Variants in SESN1 observed in about 807,000 individuals in gnomAD.
SESN1 encodes the protein sestrin-1.
In SESN1, 30 loss-of-function variants were observed where a neutral mutation model predicts 59.3. That is an observed-to-expected ratio of 0.51 (90% confidence interval 0.38 to 0.69). The LOEUF (loss-of-function observed/expected upper bound fraction) is 0.69. Ranked by LOEUF, SESN1 falls within the 30% of genes least tolerant of loss-of-function variation. The pLI, the probability that SESN1 is intolerant of heterozygous loss-of-function variation, is 0.00. For synonymous variants in SESN1, 197 were observed against 219.9 expected, an observed-to-expected ratio of 0.90 and a Z score of 0.92; for missense variants, 566 against 673.0, an observed-to-expected ratio of 0.84 and a Z score of 1.76.
At chr6:108,992,700 A>C in intron 7 of SESN1, 87 bp downstream of exon 7, 2 of 817,772 alleles carry the variant, frequency 2.4e-6, no homozygotes, top group Non-Finnish European at 4.3e-6. Flanking sequence ...CACTTAGCAT[A>C]GTTCTCAAAT....
Position 109,094,012 on chromosome 6 carries a change from C to G in SESN1, c.62G>C (p.Arg21Thr), listed in dbSNP as rs138459968. The G allele has an allele frequency of 8.8e-4, 1,425 of 1,614,182 alleles. 2 individuals carry two copies. The highest frequency in any genetic ancestry group is 1.0e-3 in the Non-Finnish European group (1,203 of 1,180,032). The change falls in exon 1 of 10, where the codon AGG becomes ACG. Residue 21 changes from arginine (R) to threonine (T), a missense_variant. By Grantham distance (71) the Arg-to-Thr change is moderately conservative. Transcript: ENST00000436639. ...DGLCSRDSTTRETALENIRQT... is the reference protein window; with the variant it reads ...DGLCSRDSTTTETALENIRQT... ...CCTAATGTTTTCCAATGCTGTCTCC[C>G]TAGTAGTTGAATCTCTGCTGCAGAG...
chr6:109,091,172 C>T (rs78835199), intron 1 of SESN1, among the ~76,000 whole-genome samples: 1 of 152,212 alleles, frequency 6.6e-6, no homozygotes, highest in South Asian at 2.1e-4. Flanking sequence ...TATATTATTA[C>T]TCTACCTTTT....
chr6:108,992,355 A>T (rs1042752532), intron 7 of SESN1, among the ~76,000 whole-genome samples: 2 of 152,066 alleles, frequency 1.3e-5, no homozygotes, highest in Admixed American at 6.5e-5. Context: ...CGGCTCAGGC[A>T]ATCCACCTGC....
chr6:109,072,506 A>C (rs1287174090), intron 1 of SESN1, among the ~76,000 whole-genome samples: 1 of 152,220 alleles, frequency 6.6e-6, no homozygotes, highest in African/African-American at 2.4e-5. Context: ...AAAACCATGA[A>C]ATGCATCTCT....
intron 5 of SESN1, 171 bp downstream of exon 5, chr6:108,998,342 T>C: frequency 3.0e-6 from 2 of 657,088 alleles, no homozygotes; most frequent in Non-Finnish European, 5.1e-6. Context: ...CCTAGACTAG[T>C]GATGAGCATG....
chr6:109,001,163 G>A (rs55881406), intron 3 of SESN1, 125 bp downstream of exon 3: 2 of 822,800 alleles, frequency 2.4e-6, no homozygotes, highest in African/African-American at 1.7e-5. Flanking sequence ...AACAGAGACT[G>A]TGCAACAGGA....
chr6:109,063,309 C>T (rs1780762101), intron 1 of SESN1, among the ~76,000 whole-genome samples: 1 of 151,958 alleles, frequency 6.6e-6, no homozygotes, highest in Non-Finnish European at 1.5e-5. Context: ...TGGGAGGGAG[C>T]ACACGAGAAA....
intron 5 of SESN1, among the ~76,000 whole-genome samples, chr6:108,996,517 A>G (rs1779505129): frequency 6.6e-6 from 1 of 152,158 alleles, no homozygotes; most frequent in African/African-American, 2.4e-5. Flanking sequence ...CTCCTCTTAA[A>G]GAGCCCAAAT....
At chr6:109,073,369 T>TC in intron 1 of SESN1, among the ~76,000 whole-genome samples, 1 of 152,312 alleles carries the variant, frequency 6.6e-6, no homozygotes, top group East Asian at 1.9e-4. Context: ...TGTTATTATA[T>TC]GGTTATTTTC....
intron 1 of SESN1, among the ~76,000 whole-genome samples, chr6:109,029,736 C>T (rs371171604): frequency 1.3e-5 from 2 of 152,032 alleles, no homozygotes; most frequent in Non-Finnish European, 1.5e-5. Flanking sequence ...CTTGCCATGT[C>T]GCTCAAGCTG....
At chr6:109,085,519 A>T (rs1206983050) in intron 1 of SESN1, among the ~76,000 whole-genome samples, 5 of 127,408 alleles carry the variant, frequency 3.9e-5, no homozygotes, top group Non-Finnish European at 9.3e-5. Flanking sequence ...ACTCCGTCAC[A>T]CACACACACA....
Position 109,082,076 on chromosome 6 carries a change from G to A in SESN1, c.279+11719C>T, listed in dbSNP as rs547154989. 9.8e-5 allele frequency among the ~76,000 whole-genome samples: 15 copies of A among 152,316 alleles called. 1 individual carries two copies. Among genetic ancestry groups the A allele is most frequent in the African/African-American group, 3.4e-4 (14 of 41,576 alleles). Reference sequence around the variant, plus strand: ...CTATATTATGTGTCCCTGAAGACACGTTGAAATTTAAATGTTTATAAGTGA... The same window carrying A: ...CTATATTATGTGTCCCTGAAGACACATTGAAATTTAAATGTTTATAAGTGA... On this transcript the variant is annotated intron_variant, in intron 1 of 9. Coordinates refer to ENST00000436639, the MANE Select transcript of SESN1 (RefSeq NM_014454.3).
intron 1 of SESN1, among the ~76,000 whole-genome samples, chr6:109,029,351 T>TAC (rs1471365795): frequency 6.6e-6 from 1 of 152,200 alleles, no homozygotes; most frequent in Non-Finnish European, 1.5e-5. Flanking sequence ...TGCACTTGAT[T>TAC]TATGGCAATT....
At chr6:108,994,347 A>T in intron 6 of SESN1, 115 bp downstream of exon 6, 1 of 767,750 alleles carries the variant, frequency 1.3e-6, no homozygotes, top group Non-Finnish European at 2.0e-6. Flanking sequence ...CCTATGCAAT[A>T]GTCTCTCTAA....
Position 109,044,258 on chromosome 6 carries a change from G to GCCGTGATC in SESN1, c.280-41923_280-41916dup, listed in dbSNP as rs1038201995. Among the ~76,000 whole-genome samples the GCCGTGATC allele has an allele frequency of 2.2e-5, 3 of 133,586 alleles. No homozygotes were observed. In the Admixed American group the frequency reaches 2.6e-4, roughly 12 times the overall value. The allele number at this position is 133,586 out of a possible 152,430, so 87.6% of individuals were successfully genotyped here. On this transcript the variant is annotated intron_variant, in intron 1 of 9. Transcript: ENST00000436639. ...TGAGCCAAGGATACCAGGGCAGTGA[G>GCCGTGATC]CCGTGATCACACCACCACACTCCAG...
chr6:109,004,397 A>C (rs1263220475), intron 1 of SESN1, among the ~76,000 whole-genome samples: 1 of 152,170 alleles, frequency 6.6e-6, no homozygotes, highest in African/African-American at 2.4e-5. Flanking sequence ...CTAAATTTTA[A>C]AGAAAGATTA....
intron 1 of SESN1, 28 bp downstream of exon 1, chr6:109,093,767 T>A (rs775354080): frequency 4.4e-6 from 7 of 1,601,600 alleles, no homozygotes; most frequent in Non-Finnish European, 6.0e-6. Flanking sequence ...AGTAGAGACA[T>A]AGTTGTATTT....
At chr6:109,090,097 C>T (rs1781286903) in intron 1 of SESN1, among the ~76,000 whole-genome samples, 1 of 152,184 alleles carries the variant, frequency 6.6e-6, no homozygotes, top group African/African-American at 2.4e-5. Flanking sequence ...ATTAACTGAG[C>T]ATTTCTTTTA....
chr6:109,013,302 A>G (rs770883782), intron 1 of SESN1, among the ~76,000 whole-genome samples: 2 of 152,134 alleles, frequency 1.3e-5, no homozygotes, highest in Non-Finnish European at 2.9e-5. Flanking sequence ...TGCTGAGGCA[A>G]TCTTGGCAAG....
Sources: gnomAD v4.1 joint callset for allele counts (sites outside exome capture counted in the v4.1 genomes callset) on GRCh38, gnomAD v4.1.1 for gene constraint, MANE v1.5 for transcripts, NCBI Gene and HGNC (gene_info 2026-07-23, HGNC 2026-07-21) for gene names.